Variants in SPATA9 observed in about 807,000 individuals in gnomAD.
The protein encoded by SPATA9 is spermatogenesis associated 9, also known as spermatogenesis-associated protein 9.
Under a neutral mutation model 25.5 loss-of-function variants are expected in SPATA9, and 27 were observed. The observed-to-expected ratio is 1.06, with a 90% CI of 0.78 to 1.46. The LOEUF is 1.46. SPATA9 is among the 40% of genes most tolerant of loss of function. SPATA9 has a pLI of 0.00. For synonymous variants in SPATA9, 102 were observed against 105.7 expected (o/e 0.97, Z 0.21); for missense variants, 282 against 297.5 (o/e 0.95, Z 0.38).
chr5:95,671,876 T>G (rs1006848848), intron 3 of SPATA9, among the ~76,000 whole-genome samples: 4 of 150,992 alleles, frequency 2.6e-5, no homozygotes, highest in African/African-American at 9.8e-5. Context: ...CCTAGAAATG[T>G]TTTAGGGTAC....
chr5:95,677,985 A>G (rs1250146244), intron 2 of SPATA9, among the ~76,000 whole-genome samples: 1 of 152,212 alleles, frequency 6.6e-6, no homozygotes, highest in Non-Finnish European at 1.5e-5. Context: ...ACTCTTTACT[A>G]AGGAAGTAGA....
the SPATA9 span, among the ~76,000 whole-genome samples, chr5:95,703,816 TA>T: frequency 9.0e-4 from 99 of 109,408 alleles, no homozygotes; most frequent in Non-Finnish European, 1.6e-3. Flanking sequence ...TCATAAAAAT[TA>T]AAAACCTATA....
At chr5:95,664,650 A>G (rs1435078244) in intron 3 of SPATA9, among the ~76,000 whole-genome samples, 1 of 152,212 alleles carries the variant, frequency 6.6e-6, no homozygotes, top group African/African-American at 2.4e-5. Context: ...GGCCTGAAAC[A>G]TATCAGCTTA....
chr5:95,695,085 C>A (rs1753983022), intron 1 of SPATA9, among the ~76,000 whole-genome samples: 1 of 152,162 alleles, frequency 6.6e-6, no homozygotes, highest in African/African-American at 2.4e-5. Context: ...ACCACATCTA[C>A]TGTATACATG....
intron 4 of SPATA9, 41 bp downstream of exon 4, chr5:95,663,912 A>G: frequency 8.7e-7 from 1 of 1,155,168 alleles, no homozygotes; most frequent in Non-Finnish European, 1.2e-6. Context: ...ACACAAAATA[A>G]GTAGATTTAT....
chr5:95,709,304 A>T, the SPATA9 span, among the ~76,000 whole-genome samples: 1 of 152,224 alleles, frequency 6.6e-6, no homozygotes, highest in Non-Finnish European at 1.5e-5. Context: ...CCAAATGGGC[A>T]TCTCTTAGCT....
the SPATA9 span, among the ~76,000 whole-genome samples, chr5:95,706,714 T>C: frequency 3.3e-5 from 5 of 152,226 alleles, no homozygotes; most frequent in African/African-American, 9.6e-5. Flanking sequence ...ATTTTTTTCT[T>C]CAGTAACTAG....
At chr5:95,665,622 G>T (rs555892324) in intron 3 of SPATA9, among the ~76,000 whole-genome samples, 1 of 149,336 alleles carries the variant, frequency 6.7e-6, no homozygotes, top group Non-Finnish European at 1.5e-5. Flanking sequence ...TTCACCTGTG[G>T]TTGGACACGT....
At chr5:95,724,702 G>A in the SPATA9 span, among the ~76,000 whole-genome samples, 2 of 152,108 alleles carry the variant, frequency 1.3e-5, no homozygotes, top group Non-Finnish European at 2.9e-5. Context: ...CTGACCACAG[G>A]TAATCCACAA....
chr5:95,731,436 G>T, the SPATA9 span: 39 of 1,201,072 alleles, frequency 3.2e-5, no homozygotes, highest in South Asian at 4.0e-5. Context: ...GCCCGGCGAT[G>T]TTCCCGGGCA....
At chr5:95,724,831 G>T in the SPATA9 span, among the ~76,000 whole-genome samples, 1 of 152,108 alleles carries the variant, frequency 6.6e-6, no homozygotes, top group African/African-American at 2.4e-5. Flanking sequence ...AGAATTAAAT[G>T]AGTCAAAATT....
intron 2 of SPATA9, among the ~76,000 whole-genome samples, chr5:95,678,182 G>T (rs1158533652): frequency 4.6e-5 from 7 of 152,146 alleles, no homozygotes; most frequent in Non-Finnish European, 1.0e-4. Context: ...TTTGAGACCA[G>T]CCTGGCCAAC....
intron 4 of SPATA9, among the ~76,000 whole-genome samples, chr5:95,660,747 G>T (rs1434163092): frequency 6.6e-6 from 1 of 152,130 alleles, no homozygotes; most frequent in African/African-American, 2.4e-5. Flanking sequence ...CCAGTCTCAG[G>T]AATGAACGGT....
intron 2 of SPATA9, among the ~76,000 whole-genome samples, chr5:95,675,999 T>G (rs903833474): frequency 1.3e-5 from 2 of 151,980 alleles, no homozygotes; most frequent in Admixed American, 6.6e-5. Context: ...TTTTTATAGT[T>G]TTAGTATAGA....
At chr5:95,655,871 G>C, downstream of SPATA9, 1 of 586,302 alleles carries the variant, frequency 1.7e-6, no homozygotes, top group Non-Finnish European at 2.9e-6. Context: ...CTGTAAAAGA[G>C]CTTGATGACT....
the SPATA9 span, among the ~76,000 whole-genome samples, chr5:95,721,480 C>T: frequency 3.3e-5 from 5 of 152,012 alleles, no homozygotes; most frequent in African/African-American, 1.2e-4. Context: ...CAGTTACTGA[C>T]TGGGCAGGGG....
upstream of SPATA9, chr5:95,701,467 A>G (rs1426388249): frequency 3.3e-5 from 5 of 152,218 alleles, no homozygotes; most frequent in African/African-American, 7.2e-5. Context: ...TTGTTTTAAT[A>G]ATATTTTAAC....
the SPATA9 span, chr5:95,717,399 A>T: frequency 6.6e-6 from 1 of 152,166 alleles, no homozygotes; most frequent in Non-Finnish European, 1.5e-5. Context: ...ATGTGTGTGT[A>T]TATGTGTGCA....
chr5:95,701,382 G>T (rs1446361284), upstream of SPATA9: 2 of 152,028 alleles, frequency 1.3e-5, no homozygotes, highest in Non-Finnish European at 2.9e-5. Flanking sequence ...CTTTGGTAAG[G>T]AGAAAATAAA....
Sources: gnomAD v4.1 joint callset for allele counts (sites outside exome capture counted in the v4.1 genomes callset) on GRCh38, gnomAD v4.1.1 for gene constraint, MANE v1.5 for transcripts, NCBI Gene and HGNC (gene_info 2026-07-23, HGNC 2026-07-21) for gene names.